The following DMD variants were observed in gnomAD, a reference collection of about 807,000 sequenced individuals.
DMD encodes the protein dystrophin.
A neutral mutation model predicts 330.1 loss-of-function variants in DMD; 63 were observed. That is an observed-to-expected ratio of 0.19 (90% CI 0.16 to 0.24). The LOEUF is 0.24. Among genes scored for constraint, DMD ranks in the 10% least tolerant of loss-of-function variants. DMD has a pLI of 1.00. For synonymous variants in DMD, 1,223 were observed against 959.8 expected (o/e 1.27, Z -5.07); for missense variants, 3,344 against 2,684.1 (o/e 1.25, Z -5.43).
chrX:32,877,482 A>G (rs948285312), intron 2 of DMD, among the ~76,000 whole-genome samples: 4 of 112,216 alleles, frequency 3.6e-5, no homozygotes, highest in African/African-American at 1.3e-4. Context: ...AGATGTTTCA[A>G]AATTATTCAG....
chrX:32,065,953 GA>G (rs888017748), intron 44 of DMD, among the ~76,000 whole-genome samples: 5 of 109,760 alleles, frequency 4.6e-5, no homozygotes, highest in Non-Finnish European at 7.6e-5. Flanking sequence ...TCTTTGTCAG[GA>G]AAAAAAATCT....
chrX:31,311,074 A>G (rs2055483608), intron 62 of DMD, among the ~76,000 whole-genome samples: 1 of 111,968 alleles, frequency 8.9e-6, no homozygotes, highest in Non-Finnish European at 1.9e-5. Flanking sequence ...AGAATAAAGT[A>G]TCATTCTGCA....
At chrX:32,535,769 G>A (rs762953397) in intron 17 of DMD, among the ~76,000 whole-genome samples, 17 of 110,933 alleles carry the variant, frequency 1.5e-4, no homozygotes, top group Non-Finnish European at 2.5e-4. Context: ...GACAAGACTC[G>A]CACAAAACCT....
intron 60 of DMD, among the ~76,000 whole-genome samples, chrX:31,368,567 G>T (rs1037591023): frequency 1.8e-5 from 2 of 111,768 alleles, no homozygotes; most frequent in Non-Finnish European, 3.8e-5. Context: ...CAGTTCCAGA[G>T]AATTGCTCAT....
intron 4 of DMD, among the ~76,000 whole-genome samples, chrX:32,839,668 C>T (rs2079980351): frequency 8.9e-6 from 1 of 111,930 alleles, no homozygotes; most frequent in African/African-American, 3.2e-5. Context: ...TAAAGTTGTA[C>T]TTATGGATGT....
At chrX:31,688,875 G>A (rs1447147713) in intron 52 of DMD, among the ~76,000 whole-genome samples, 162 of 109,615 alleles carry the variant, frequency 1.5e-3, no homozygotes, top group African/African-American at 5.3e-3. Context: ...AAACCACATG[G>A]TTATCTCAAT....
chrX:33,013,269 T>A (rs2093734442), intron 2 of DMD, among the ~76,000 whole-genome samples: 1 of 111,353 alleles, frequency 9.0e-6, no homozygotes, highest in Non-Finnish European at 1.9e-5. Context: ...TTGGAGCAAC[T>A]AACCATATAC....
At chrX:32,820,013 G>C (rs1319395457) in intron 5 of DMD, among the ~76,000 whole-genome samples, 1 of 111,531 alleles carries the variant, frequency 9.0e-6, no homozygotes, top group African/African-American at 3.3e-5. Flanking sequence ...CTACAGTCTT[G>C]CAGTCTCAAG....
At chrX:31,938,452 T>A (rs1331183169) in intron 45 of DMD, among the ~76,000 whole-genome samples, 3 of 112,122 alleles carry the variant, frequency 2.7e-5, no homozygotes, top group African/African-American at 9.7e-5. Context: ...TGTGTACTAC[T>A]TTAAAATTAT....
chrX:31,300,037 C>T (rs963643415), intron 62 of DMD, among the ~76,000 whole-genome samples: 5 of 111,354 alleles, frequency 4.5e-5, no homozygotes, highest in Middle Eastern at 4.6e-3. Context: ...TTTTCACCTG[C>T]ACAAATTTTA....
chrX:33,007,974 G>T (rs1602591667), intron 2 of DMD, among the ~76,000 whole-genome samples: 1 of 110,950 alleles, frequency 9.0e-6, no homozygotes, highest in African/African-American at 3.3e-5. Flanking sequence ...GAAACATTTA[G>T]CAAATTCATC....
At chrX:31,889,158 A>G (rs781525738) in intron 47 of DMD, among the ~76,000 whole-genome samples, 8 of 112,214 alleles carry the variant, frequency 7.1e-5, no homozygotes, top group Admixed American at 1.9e-4. Flanking sequence ...TTTGATGTAC[A>G]ATAAATAGGT....
intron 13 of DMD, among the ~76,000 whole-genome samples, chrX:32,591,148 T>C (rs1267625039): frequency 1.8e-5 from 2 of 111,976 alleles, no homozygotes; most frequent in Non-Finnish European, 3.8e-5. Context: ...TGTGAGCCAC[T>C]GTACCTAGCC....
chrX:33,272,292 A>G (rs1186169907), intron 1 of DMD, among the ~76,000 whole-genome samples: 1 of 111,971 alleles, frequency 8.9e-6, no homozygotes, highest in Non-Finnish European at 1.9e-5. Context: ...AGTTCATTGG[A>G]TTTGGGGAGA....
chrX:32,435,295 T>TATATATATATATATATATATATATATATA (rs1456041613), intron 29 of DMD, among the ~76,000 whole-genome samples: 1 of 100,501 alleles, frequency 1.0e-5, no homozygotes, highest in East Asian at 3.2e-4. Context: ...TATATATATA[T>TATATATATATATATATATATATATATATA]ATTTACACCC....
chrX:31,967,731 A>G (rs1457460040), intron 45 of DMD, among the ~76,000 whole-genome samples: 3 of 111,789 alleles, frequency 2.7e-5, no homozygotes, highest in African/African-American at 9.7e-5. Flanking sequence ...TAGGCTTTCC[A>G]ACTGCAGCAG....
At chrX:33,229,595 T>C (rs2052354126) in intron 1 of DMD, among the ~76,000 whole-genome samples, 1 of 111,987 alleles carries the variant, frequency 8.9e-6, no homozygotes, top group Admixed American at 9.5e-5. Context: ...ATTTCTGGAA[T>C]CTCTATTCTA....
At chrX:31,511,667 CT>C (rs201673573) in intron 55 of DMD, among the ~76,000 whole-genome samples, 15,681 of 108,040 alleles carry the variant, frequency 0.15, 1,112 homozygotes, top group African/African-American at 0.23. Context: ...TGAACTCATC[CT>C]TTTTTTATGG....
At chrX:31,129,231 C>G (rs2034160680) in intron 77 of DMD, among the ~76,000 whole-genome samples, 2 of 111,565 alleles carry the variant, frequency 1.8e-5, no homozygotes, top group African/African-American at 6.5e-5. Flanking sequence ...TGCTTTTAGC[C>G]TCTTTTATAT....
Sources: gnomAD v4.1 joint callset for allele counts (sites outside exome capture counted in the v4.1 genomes callset) on GRCh38, gnomAD v4.1.1 for gene constraint, MANE v1.5 for transcripts, NCBI Gene and HGNC (gene_info 2026-07-23, HGNC 2026-07-21) for gene names.